The following JUP variants were observed in gnomAD, a reference collection of about 807,000 sequenced individuals.
JUP encodes junction plakoglobin, also known as catenin (cadherin-associated protein), gamma 80kDa.
Under a neutral mutation model 71.1 loss-of-function variants are expected in JUP, and 28 were observed. The observed-to-expected ratio is 0.39, with a 90% CI of 0.29 to 0.54. The LOEUF (loss-of-function observed/expected upper bound fraction) is 0.54, where lower values mean the gene tolerates loss of function less well. Ranked by LOEUF, JUP falls within the 20% of genes least tolerant of loss-of-function variation. JUP has a pLI of 0.62. For missense variants in JUP, 869 were observed against 1,030.1 expected, an observed-to-expected ratio of 0.84 and a Z score of 2.14; for synonymous variants, 401 against 438.9, an observed-to-expected ratio of 0.91 and a Z score of 1.08.
rs782794110 is a variant in JUP at position 41,769,151 on chromosome 17, C to A, written c.525G>T (p.Ser175=). 1 of 1,606,912 alleles carries A rather than the reference C, an allele frequency of 6.2e-7. No individual in the cohort carries two copies. ...IVNQLSKKEA[S]RRALMGSPQL... ...GGGGCGAGCCCATCAGGGCCCGCCG[C>A]GACGCCTCCTTCTTCGACAGCTGGT... Residue 175 remains serine, a synonymous_variant, in exon 4 of 14, where the codon TCG becomes TCT. Transcript: ENST00000393931.
At chr17:41,779,580 G>A (rs1006478318) in intron 1 of JUP, among the ~76,000 whole-genome samples, 1 of 151,896 alleles carries the variant, frequency 6.6e-6, no homozygotes, top group East Asian at 1.9e-4. Flanking sequence ...CGCCCGCCTC[G>A]GCCTCCCAAA....
chr17:41,768,461 C>A (rs771387377), intron 4 of JUP, among the ~76,000 whole-genome samples: 3 of 151,748 alleles, frequency 2.0e-5, no homozygotes, highest in African/African-American at 7.3e-5. Context: ...ACTCAGGAGA[C>A]TGAGGCAGGA....
At chr17:41,779,732 C>T (rs2047071271) in intron 1 of JUP, among the ~76,000 whole-genome samples, 1 of 152,084 alleles carries the variant, frequency 6.6e-6, no homozygotes, top group Non-Finnish European at 1.5e-5. Flanking sequence ...GTGGCACAAT[C>T]ATGGCTCACT....
intron 8 of JUP, among the ~76,000 whole-genome samples, chr17:41,762,166 A>AGTGT (rs1285649470): frequency 4.3e-4 from 29 of 66,968 alleles, no homozygotes; most frequent in African/African-American, 1.8e-3. Flanking sequence ...AGAGAGAGAG[A>AGTGT]GAGAGAGAGA....
intron 1 of JUP, among the ~76,000 whole-genome samples, chr17:41,778,603 G>C (rs1192018129): frequency 1.3e-5 from 2 of 150,982 alleles, no homozygotes; most frequent in African/African-American, 2.4e-5. Flanking sequence ...AGCTCATCAA[G>C]ATCAAGGCTA....
At chr17:41,773,688 G>A (rs562227980) in intron 1 of JUP, among the ~76,000 whole-genome samples, 1 of 152,256 alleles carries the variant, frequency 6.6e-6, no homozygotes, top group African/African-American at 2.4e-5. Flanking sequence ...GCAATGGTGG[G>A]GGGCGGGGGG....
chr17:41,756,720 C>T (rs544170868), intron 12 of JUP, among the ~76,000 whole-genome samples: 39 of 151,972 alleles, frequency 2.6e-4, no homozygotes, highest in Middle Eastern at 6.8e-3. Context: ...GCCAACATGG[C>T]GAAACCGCGT....
intron 10 of JUP, 131 bp downstream of exon 10, chr17:41,758,268 T>C: frequency 8.5e-7 from 1 of 1,174,070 alleles, no homozygotes; most frequent in South Asian, 1.4e-5. Context: ...CAATCTGGAG[T>C]GGCAACTTTC....
intron 9 of JUP, 68 bp downstream of exon 9, chr17:41,758,646 AC>A (rs1316188336): frequency 6.3e-7 from 1 of 1,578,170 alleles, no homozygotes; most frequent in Non-Finnish European, 8.6e-7. Context: ...CTCCCCATTC[AC>A]ACACACACCC....
At position 41,768,846 on chromosome 17, in the gene JUP, G is replaced by C. The variant is rs1555605026; in HGVS notation, c.707+123C>G. ...CTGTGAGCCACCGAGCACCCGGATG[G>C]GGTGTGCTTCTGCCTGGCACATAGT... On this transcript the variant is annotated intron_variant, in intron 4 of 13. Transcript: ENST00000393931. The C allele has an allele frequency of 8.8e-6, 7 of 793,156 alleles. No homozygotes were observed. In the South Asian group the frequency reaches 1.0e-4, roughly 11 times the overall value. 49.1% of individuals were successfully genotyped at this position (793,156 alleles called of 1,614,324 possible).
rs781857012 is a variant in JUP, at chr17:41,755,880, T to C, written c.2102A>G (p.Tyr701Cys). ...EPYGDDMDAT[Y>C]RPMYSSDVPL... The stretch of plus-strand genomic sequence containing the variant: ...CACATCGCTGGAGTACATGGGGCGG[T>C]AGGTGGCATCCATGTCTGGGGACAA... The change falls in exon 14 of 14, where the codon TAC (tyrosine) becomes TGC (cysteine). Residue 701 changes from tyrosine (Y) to cysteine (C), a missense_variant. Physicochemically the swap from Tyr to Cys is radical, Grantham distance 194 (BLOSUM62 -2). Coordinates refer to ENST00000393931, the MANE Select transcript of JUP (RefSeq NM_002230.4). The C allele has an allele frequency of 1.7e-5, 27 of 1,609,850 alleles. No individual in the cohort carries two copies. Among genetic ancestry groups the C allele is most frequent in the Non-Finnish European group, 1.6e-5 (19 of 1,177,512 alleles).
rs1555606016 is a variant in JUP, at chr17:41,769,697, G to A, written c.209-20C>T. The A allele has an allele frequency of 1.2e-6, 2 of 1,605,062 alleles. No individual in the cohort carries two copies. Among genetic ancestry groups the A allele is most frequent in the Non-Finnish European group, 1.7e-6 (2 of 1,177,984 alleles). ...GATCACCTGGGGGCCATGGGGACAG[G>A]GACTGAGTGCAGGCAGTGGGCTGGG... On this transcript the variant is annotated intron_variant, in intron 2 of 13. Transcript: ENST00000393931.
chr17:41,783,293 TG>T (rs1385959215), intron 1 of JUP, among the ~76,000 whole-genome samples: 71 of 82,944 alleles, frequency 8.6e-4, no homozygotes, highest in Middle Eastern at 0.01. Flanking sequence ...GCGTTTTTTT[TG>T]TTTTTTTTTT....
intron 1 of JUP, chr17:41,772,306 GC>G: frequency 3.4e-6 from 1 of 294,230 alleles, no homozygotes; most frequent in Non-Finnish European, 6.7e-6. Flanking sequence ...GGGAAAGGCT[GC>G]AGGGAGGAGG....
intron 8 of JUP, among the ~76,000 whole-genome samples, chr17:41,761,972 G>A (rs940714034): frequency 2.7e-5 from 4 of 149,568 alleles, no homozygotes; most frequent in Admixed American, 2.0e-4. Flanking sequence ...AGGAGGCCAA[G>A]GCAGGAGAAT....
At chr17:41,758,941 A>G in intron 8 of JUP, 71 bp from the exon 9 acceptor site, 1 of 1,485,760 alleles carries the variant, frequency 6.7e-7, no homozygotes. Flanking sequence ...CCCAGCTTCA[A>G]GTATCCCTTC....
At chr17:41,784,601 G>A (rs1382496346) in intron 1 of JUP, among the ~76,000 whole-genome samples, 1 of 152,090 alleles carries the variant, frequency 6.6e-6, no homozygotes, top group Non-Finnish European at 1.5e-5. Flanking sequence ...CAAACTCCCT[G>A]CTCCTGTTGC....
At chr17:41,758,171 G>T in intron 10 of JUP, 2 of 549,196 alleles carry the variant, frequency 3.6e-6, no homozygotes, top group Non-Finnish European at 6.3e-6. Flanking sequence ...AAGTTTTTTT[G>T]TTTTTTGTTT....
At chr17:41,780,730 G>C (rs190346864) in intron 1 of JUP, among the ~76,000 whole-genome samples, 2 of 150,724 alleles carry the variant, frequency 1.3e-5, no homozygotes, top group African/African-American at 2.4e-5. Context: ...AAAGAAAAGA[G>C]AAGAGGAGAA....
Sources: allele counts gnomAD v4.1 joint callset (sites outside exome capture counted in the v4.1 genomes callset), GRCh38; gene constraint gnomAD v4.1.1; transcripts MANE v1.5; gene names NCBI Gene and HGNC (gene_info 2026-07-23, HGNC 2026-07-21).